SEPTIN7: variants seen among roughly 807,000 people sequenced by gnomAD.
SEPTIN7 encodes the protein septin 7.
SEPTIN7 carries 10 observed loss-of-function variants against 63.3 expected under a neutral mutation model. The ratio of observed to expected loss-of-function variants is 0.16; its 90% CI spans 0.10 to 0.27. The LOEUF (loss-of-function observed/expected upper bound fraction) is 0.27. SEPTIN7 is among the 10% of genes least tolerant of loss of function. The pLI, the probability that SEPTIN7 is intolerant of heterozygous loss-of-function variation, is 1.00. For synonymous variants in SEPTIN7, 131 were observed against 165.3 expected (o/e 0.79, Z 1.59); for missense variants, 310 against 521.0 (o/e 0.59, Z 3.94).
chr7:35,872,821 T>A, intron 5 of SEPTIN7, 55 bp downstream of exon 5: 2 of 1,182,896 alleles, frequency 1.7e-6, no homozygotes, highest in Non-Finnish European at 2.5e-6. Context: ...CTGGGGTGGT[T>A]AAACTTTTTC....
rs994718605 is a variant in SEPTIN7, at chr7:35,905,151, C to T, written c.*858C>T. On this transcript the variant is annotated 3_prime_UTR_variant, in exon 14 of 14. Coordinates refer to ENST00000350320, the MANE Select transcript of SEPTIN7 (RefSeq NM_001788.6). Reference sequence around the variant, plus strand: ...AAGCTAATGACCAACCTGTTTCTACCTATATGCAGTCTCTTTATTTTACTA... The same window carrying T: ...AAGCTAATGACCAACCTGTTTCTACTTATATGCAGTCTCTTTATTTTACTA... 3.3e-5 allele frequency: 5 copies of T among 152,566 alleles called. No individual in the cohort carries two copies. The highest frequency in any genetic ancestry group is 4.8e-5 in the African/African-American group (2 of 41,448). The allele number at this position is 152,566 out of a possible 1,614,324, so 9.5% of individuals were successfully genotyped here.
chr7:35,860,807 C>T (rs1785463217), intron 3 of SEPTIN7, among the ~76,000 whole-genome samples: 1 of 152,268 alleles, frequency 6.6e-6, no homozygotes, highest in East Asian at 1.9e-4. Context: ...TGATTGTAAT[C>T]GTGTTGGTAT....
At chr7:35,909,447 T>G (rs1162675325), downstream of SEPTIN7, among the ~76,000 whole-genome samples, 1 of 152,218 alleles carries the variant, frequency 6.6e-6, no homozygotes, top group Non-Finnish European at 1.5e-5. Flanking sequence ...ATTGGCCTGA[T>G]TATAGCTCAT....
chr7:35,896,717 G>A (rs1468229608), intron 11 of SEPTIN7, among the ~76,000 whole-genome samples: 3 of 152,158 alleles, frequency 2.0e-5, no homozygotes, highest in Non-Finnish European at 2.9e-5. Context: ...TGTCTGGTTA[G>A]TTTCATTTTC....
chr7:35,817,957 C>CA (rs1318437218), intron 1 of SEPTIN7, among the ~76,000 whole-genome samples: 2 of 151,752 alleles, frequency 1.3e-5, no homozygotes, highest in East Asian at 3.9e-4. Flanking sequence ...ATACTACTTA[C>CA]ATTACTTTAC....
chr7:35,818,828 CT>C (rs1241638062), intron 1 of SEPTIN7, among the ~76,000 whole-genome samples: 4 of 150,832 alleles, frequency 2.7e-5, no homozygotes, highest in Admixed American at 1.3e-4. Context: ...TCTTTCATTC[CT>C]GATTTTAGTA....
chr7:35,897,456 A>G (rs2116367737), intron 11 of SEPTIN7, among the ~76,000 whole-genome samples: 1 of 152,334 alleles, frequency 6.6e-6, no homozygotes, highest in African/African-American at 2.4e-5. Context: ...AATTTTGAAC[A>G]CAATTCTACA....
chr7:35,802,029 A>T lies in SEPTIN7; in HGVS notation c.61+759A>T, dbSNP rs1343305810. On this transcript the variant is annotated intron_variant, in intron 1 of 13. Transcript: ENST00000350320. ...CTTAATTTTTAGGAGTAAGGGAAAG[A>T]GAACGCCTGGGAAGGGCGCCCCCCG... Among the ~76,000 whole-genome samples the T allele has an allele frequency of 3.3e-5, 5 of 152,080 alleles. No homozygotes were observed. In the East Asian group the frequency reaches 7.7e-4, roughly 23 times the overall value.
chr7:35,838,148 T>C lies in SEPTIN7; in HGVS notation c.169+5248T>C, dbSNP rs1294075589. 2.0e-5 allele frequency among the ~76,000 whole-genome samples: 3 copies of C among 152,130 alleles called. No individual in the cohort carries two copies. The East Asian group carries it at 5.8e-4, about 29-fold the overall frequency. On this transcript the variant is annotated intron_variant, in intron 3 of 13. Coordinates refer to ENST00000350320, the MANE Select transcript of SEPTIN7 (RefSeq NM_001788.6). ...GGTAGGTACTCTGAGGGCATTATTA[T>C]TATTTTGTTGTTGGTAGGCATTGAC...
intron 4 of SEPTIN7, among the ~76,000 whole-genome samples, chr7:35,867,499 G>A (rs1158704232): frequency 6.6e-6 from 1 of 152,094 alleles, no homozygotes; most frequent in Non-Finnish European, 1.5e-5. Flanking sequence ...ATAGGCGTGT[G>A]CCACCACGCC....
At chr7:35,850,597 T>C (rs555851865) in intron 3 of SEPTIN7, among the ~76,000 whole-genome samples, 2 of 152,344 alleles carry the variant, frequency 1.3e-5, no homozygotes, top group African/African-American at 4.8e-5. Context: ...GTTGAAATGC[T>C]TATTGAAATG....
At chr7:35,810,566 G>T (rs1185782159) in intron 1 of SEPTIN7, among the ~76,000 whole-genome samples, 1 of 151,926 alleles carries the variant, frequency 6.6e-6, no homozygotes, top group Admixed American at 6.6e-5. Flanking sequence ...CTCATGATCC[G>T]CCCGCCTTGG....
chr7:35,886,078 T>C (rs1215002063), intron 10 of SEPTIN7, among the ~76,000 whole-genome samples, 199 bp downstream of exon 10: 1 of 152,232 alleles, frequency 6.6e-6, no homozygotes, highest in African/African-American at 2.4e-5. Flanking sequence ...GTAATTTGTC[T>C]AGGGATACAT....
At chr7:35,801,408 C>T in intron 1 of SEPTIN7, 138 bp downstream of exon 1, 1 of 1,098,326 alleles carries the variant, frequency 9.1e-7, no homozygotes, top group South Asian at 1.8e-5. Flanking sequence ...ATGGGGGCCA[C>T]TGCGGGCCCG....
At chr7:35,886,015 C>T (rs1366469251) in intron 10 of SEPTIN7, 136 bp downstream of exon 10, 1 of 615,172 alleles carries the variant, frequency 1.6e-6, no homozygotes, top group Non-Finnish European at 2.8e-6. Context: ...GTAAACACTA[C>T]ATATAGATGA....
intron 6 of SEPTIN7, among the ~76,000 whole-genome samples, chr7:35,877,691 A>G (rs1209247131): frequency 6.6e-6 from 1 of 152,218 alleles, no homozygotes; most frequent in Non-Finnish European, 1.5e-5. Context: ...TTCGGTTCTC[A>G]TTTAGAATTA....
chr7:35,912,768 A>G, the SEPTIN7 span, among the ~76,000 whole-genome samples: 3 of 152,240 alleles, frequency 2.0e-5, no homozygotes, highest in African/African-American at 4.8e-5. Flanking sequence ...AATGTCTGCC[A>G]TCTATATTCT....
chr7:35,857,187 TAAAAAG>T (rs1311756430), intron 3 of SEPTIN7, among the ~76,000 whole-genome samples: 2 of 152,180 alleles, frequency 1.3e-5, no homozygotes, highest in Non-Finnish European at 2.9e-5. Flanking sequence ...AGAGCCAACT[TAAAAAG>T]AAAACTACAA....
At chr7:35,820,256 C>T (rs1373178747) in intron 1 of SEPTIN7, among the ~76,000 whole-genome samples, 1 of 151,874 alleles carries the variant, frequency 6.6e-6, no homozygotes, top group Non-Finnish European at 1.5e-5. Flanking sequence ...TTATCTTATT[C>T]AGTTTGTTGA....
Sources: gnomAD v4.1 joint callset for allele counts (sites outside exome capture counted in the v4.1 genomes callset) on GRCh38, gnomAD v4.1.1 for gene constraint, MANE v1.5 for transcripts, NCBI Gene and HGNC (gene_info 2026-07-23, HGNC 2026-07-21) for gene names.